DLG1: variants seen among roughly 807,000 people sequenced by gnomAD.
DLG1 encodes disks large homolog 1.
A neutral mutation model predicts 123.4 loss-of-function variants in DLG1; 42 were observed. That is an observed-to-expected ratio of 0.34 (90% confidence interval 0.27 to 0.44). The LOEUF (loss-of-function observed/expected upper bound fraction) is 0.44, where lower values mean the gene tolerates loss of function less well. DLG1 is among the 20% of genes least tolerant of loss of function. DLG1 has a pLI of 1.00. For synonymous variants in DLG1, 317 were observed against 356.2 expected, an observed-to-expected ratio of 0.89 and a Z score of 1.24; for missense variants, 942 against 1,082.6, an observed-to-expected ratio of 0.87 and a Z score of 1.82.
At chr3:197,264,732 C>A (rs1273879400) in intron 4 of DLG1, among the ~76,000 whole-genome samples, 1 of 152,034 alleles carries the variant, frequency 6.6e-6, no homozygotes, top group East Asian at 1.9e-4. Flanking sequence ...TAGCCACGTT[C>A]CAGATTTTGA....
At chr3:197,137,676 G>A (rs541074774) in intron 9 of DLG1, among the ~76,000 whole-genome samples, 2 of 151,990 alleles carry the variant, frequency 1.3e-5, no homozygotes, top group South Asian at 2.1e-4. Context: ...ATCAATAAAC[G>A]TAAGAATTTT....
intron 14 of DLG1, 55 bp from the exon 15 acceptor site, chr3:197,091,081 G>A: frequency 8.3e-7 from 1 of 1,202,138 alleles, no homozygotes; most frequent in Admixed American, 1.7e-5. Flanking sequence ...TAAGTTATTT[G>A]AAGATAACGT....
chr3:197,070,669 G>C (rs1743255646), intron 18 of DLG1: 2 of 148,922 alleles, frequency 1.3e-5, no homozygotes, highest in South Asian at 4.2e-4. Context: ...CTAGGTTTAA[G>C]CGATTCTATT....
At chr3:197,113,667 G>A (rs1457401237) in intron 13 of DLG1, among the ~76,000 whole-genome samples, 1 of 151,894 alleles carries the variant, frequency 6.6e-6, no homozygotes, top group Non-Finnish European at 1.5e-5. Context: ...TATATAGTTT[G>A]GTCTTGCTTT....
intron 5 of DLG1, among the ~76,000 whole-genome samples, chr3:197,151,340 T>C (rs1793750886): frequency 6.6e-6 from 1 of 152,222 alleles, no homozygotes; most frequent in South Asian, 2.1e-4. Flanking sequence ...AGTTGGTTTT[T>C]ATCAAAATCT....
intron 4 of DLG1, among the ~76,000 whole-genome samples, chr3:197,218,643 A>T (rs1735265750): frequency 6.6e-6 from 1 of 152,202 alleles, no homozygotes. Context: ...TTTTACAGAG[A>T]CCGTTCCCTA....
chr3:197,256,089 C>G (rs1362336543), intron 4 of DLG1, among the ~76,000 whole-genome samples: 1 of 152,206 alleles, frequency 6.6e-6, no homozygotes, highest in Non-Finnish European at 1.5e-5. Context: ...ATTTTAATGA[C>G]ATGCTAGCTT....
At chr3:197,275,294 C>G (rs1306186263) in intron 4 of DLG1, among the ~76,000 whole-genome samples, 1 of 152,128 alleles carries the variant, frequency 6.6e-6, no homozygotes, top group Non-Finnish European at 1.5e-5. Context: ...AAGGGACACT[C>G]TGGTACACTG....
chr3:197,243,839 G>A (rs528195456), intron 4 of DLG1, among the ~76,000 whole-genome samples: 7 of 152,184 alleles, frequency 4.6e-5, no homozygotes, highest in South Asian at 2.1e-4. Context: ...AATTCATTTC[G>A]TACCCCTCGT....
rs550142392 is a variant in DLG1 at position 197,139,818 on chromosome 3, G to A, written c.713+322C>T. Among the ~76,000 whole-genome samples the A allele has an allele frequency of 2.0e-5, 3 of 152,204 alleles. No homozygotes were observed. The South Asian group carries it at 6.2e-4, about 32-fold the overall frequency. ...ATGTTTCCCAGCCAGAGAGGAAATGGAAAATATTCTGTGAGTGTATCTGAA... is the reference window on the plus strand; with the variant it reads ...ATGTTTCCCAGCCAGAGAGGAAATGAAAAATATTCTGTGAGTGTATCTGAA... On this transcript the variant is annotated intron_variant, in intron 8 of 24. Transcript: ENST00000667157.
intron 4 of DLG1, among the ~76,000 whole-genome samples, chr3:197,245,700 T>C (rs1751282945): frequency 6.6e-6 from 1 of 152,206 alleles, no homozygotes; most frequent in South Asian, 2.1e-4. Flanking sequence ...CTTTGGCTCC[T>C]ATTTTTATTA....
chr3:197,282,695 A>G lies in DLG1; in HGVS notation c.302T>C (p.Leu101Pro). ...TTATCTCACCTCTACACTAGGGCTA[A>G]GGCTGCTTGGCAGTGTCTCTGAAGT... ...TVTSETLPSSLSPSVEKYRYQ... is the reference protein window; with the variant it reads ...TVTSETLPSSPSPSVEKYRYQ... Residue 101 changes from leucine (L) to proline (P), a missense_variant, in exon 4 of 25, where the codon CTT (leucine) becomes CCT (proline). Physicochemically the swap from Leu to Pro is moderately conservative, Grantham distance 98. Transcript: ENST00000667157. 2 of 1,602,240 alleles carry G rather than the reference A, an allele frequency of 1.2e-6. No homozygotes were observed. Among genetic ancestry groups the G allele is most frequent in the Non-Finnish European group, 1.7e-6 (2 of 1,176,222 alleles).
chr3:197,253,573 C>T (rs765539488), intron 4 of DLG1, among the ~76,000 whole-genome samples: 2 of 152,128 alleles, frequency 1.3e-5, no homozygotes, highest in Non-Finnish European at 2.9e-5. Flanking sequence ...AAATTATGCT[C>T]AGTGAAAAAA....
intron 13 of DLG1, among the ~76,000 whole-genome samples, chr3:197,113,446 T>C (rs1771230743): frequency 6.6e-6 from 1 of 152,234 alleles, no homozygotes. Flanking sequence ...AAAGTATTAC[T>C]AGGTATGTCT....
chr3:197,274,264 A>G (rs1183044021), intron 4 of DLG1, among the ~76,000 whole-genome samples: 3 of 152,228 alleles, frequency 2.0e-5, no homozygotes, highest in Non-Finnish European at 4.4e-5. Flanking sequence ...CCAACGGAAC[A>G]CAACAGAGAA....
chr3:197,145,463 T>G (rs1487628275), intron 6 of DLG1, among the ~76,000 whole-genome samples: 2 of 152,240 alleles, frequency 1.3e-5, no homozygotes, highest in Non-Finnish European at 2.9e-5. Context: ...ATTTACCAAT[T>G]TTCCTTGGCA....
At chr3:197,087,676 A>G (rs756238709) in intron 15 of DLG1, among the ~76,000 whole-genome samples, 8 of 152,256 alleles carry the variant, frequency 5.3e-5, no homozygotes, top group Non-Finnish European at 8.8e-5. Flanking sequence ...AATTAAATTT[A>G]GCAGAATGAA....
At chr3:197,062,220 GCTCAGAA>G (rs1329066432) in intron 22 of DLG1, among the ~76,000 whole-genome samples, 1 of 152,122 alleles carries the variant, frequency 6.6e-6, no homozygotes, top group African/African-American at 2.4e-5. Flanking sequence ...CCTTAAATGT[GCTCAGAA>G]CACTTACTCT....
In DLG1 at chr3:197,116,807, A is replaced by G. The variant is rs759317324; in HGVS notation, c.1287-724T>C. 1.3e-5 allele frequency among the ~76,000 whole-genome samples: 2 copies of G among 152,214 alleles called. 1 individual carries two copies. Among genetic ancestry groups the G allele is most frequent in the South Asian group, 4.1e-4 (2 of 4,836 alleles). On this transcript the variant is annotated intron_variant, in intron 12 of 24. Coordinates refer to ENST00000667157, the MANE Select transcript of DLG1 (RefSeq NM_001366207.1). Reference sequence around the variant, plus strand: ...AAGACACCACAGGCCTAAGGTTGCTATACCAACCTTGGAAATGCCCATCTT... The same window carrying G: ...AAGACACCACAGGCCTAAGGTTGCTGTACCAACCTTGGAAATGCCCATCTT...
Sources: gnomAD v4.1 joint callset for allele counts (sites outside exome capture counted in the v4.1 genomes callset) on GRCh38, gnomAD v4.1.1 for gene constraint, MANE v1.5 for transcripts, NCBI Gene and HGNC (gene_info 2026-07-23, HGNC 2026-07-21) for gene names.